NRXN1: variants seen among roughly 807,000 people sequenced by gnomAD.
NRXN1 encodes the protein neurexin-1.
A neutral mutation model predicts 150.9 loss-of-function variants in NRXN1; 39 were observed. The observed-to-expected ratio is 0.26, with a 90% confidence interval of 0.20 to 0.34. The LOEUF is 0.34. Among genes scored for constraint, NRXN1 ranks in the 10% least tolerant of loss-of-function variants. The pLI, the probability that NRXN1 is intolerant of heterozygous loss-of-function variation, is 1.00. For missense variants in NRXN1, 1,815 were observed against 1,949.9 expected (o/e 0.93, Z 1.30); for synonymous variants, 924 against 757.0 (o/e 1.22, Z -3.62).
At chr2:50,897,370 A>G (rs1682155105) in intron 5 of NRXN1, among the ~76,000 whole-genome samples, 1 of 152,210 alleles carries the variant, frequency 6.6e-6, no homozygotes, top group Admixed American at 6.5e-5. Context: ...TATCAGTGAT[A>G]CCAGGACCAT....
At chr2:50,723,891 T>C (rs1282560130) in intron 5 of NRXN1, among the ~76,000 whole-genome samples, 1 of 152,226 alleles carries the variant, frequency 6.6e-6, no homozygotes, top group African/African-American at 2.4e-5. Flanking sequence ...AAAAACATCC[T>C]AATTTATACA....
intron 17 of NRXN1, among the ~76,000 whole-genome samples, chr2:50,344,956 C>T (rs780441500): frequency 9.2e-5 from 14 of 152,216 alleles, no homozygotes; most frequent in Non-Finnish European, 1.6e-4. Flanking sequence ...CTCCGTCCCT[C>T]AGGACTCACA....
chr2:50,420,416 T>TACAC (rs142091102), intron 17 of NRXN1, among the ~76,000 whole-genome samples: 1 of 149,702 alleles, frequency 6.7e-6, no homozygotes, highest in Non-Finnish European at 1.5e-5. Flanking sequence ...CACACACACA[T>TACAC]ACACACACAC....
intron 17 of NRXN1, among the ~76,000 whole-genome samples, chr2:50,389,087 G>C (rs2081515619): frequency 6.6e-6 from 1 of 151,894 alleles, no homozygotes; most frequent in Non-Finnish European, 1.5e-5. Context: ...AAGACAGCTT[G>C]AGCCTGGGAG....
chr2:50,212,647 C>A (rs1263346054), intron 18 of NRXN1, among the ~76,000 whole-genome samples: 1 of 151,796 alleles, frequency 6.6e-6, no homozygotes, highest in African/African-American at 2.4e-5. Flanking sequence ...GTTCCTTTAT[C>A]TGAGTGAACG....
At chr2:50,160,492 G>C (rs1191206317) in intron 18 of NRXN1, among the ~76,000 whole-genome samples, 1 of 151,942 alleles carries the variant, frequency 6.6e-6, no homozygotes, top group African/African-American at 2.4e-5. Flanking sequence ...AGTGAGCTGA[G>C]ATTGCGCCAT....
In NRXN1 at chr2:50,887,421, A is replaced by T. The variant is rs180702505; in HGVS notation, c.832+34448T>A. Among the ~76,000 whole-genome samples the T allele has an allele frequency of 3.4e-3, 517 of 151,612 alleles. 9 individuals are homozygous for T. Among genetic ancestry groups the T allele is most frequent in the Middle Eastern group, 3.4e-3 (1 of 294 alleles). On this transcript the variant is annotated intron_variant, in intron 5 of 22. Coordinates refer to ENST00000401669, the MANE Select transcript of NRXN1 (RefSeq NM_001330078.2). ...TATTTGTAAACAGTTAGAATAGCAAAGATCTTCAGAAGTATTTTCCTGCTC... is the reference window on the plus strand; with the variant it reads ...TATTTGTAAACAGTTAGAATAGCAATGATCTTCAGAAGTATTTTCCTGCTC...
chr2:50,346,278 T>C lies in NRXN1; in HGVS notation c.3365-109308A>G, dbSNP rs1437245539. The stretch of plus-strand genomic sequence containing the variant: ...GATGGGCAGGAGGTGGGGCAGCATA[T>C]ACAGCACAGACAAAAGGTTCTGCAG... On this transcript the variant is annotated intron_variant, in intron 17 of 22. Coordinates refer to ENST00000401669, the MANE Select transcript of NRXN1 (RefSeq NM_001330078.2). The surrounding 1 kb of genome is among the most constrained non-coding windows in gnomAD (Gnocchi z 5.0). Among the ~76,000 whole-genome samples the C allele has an allele frequency of 6.6e-6, 1 of 152,108 alleles. No homozygotes were observed.
intron 2 of NRXN1, among the ~76,000 whole-genome samples, chr2:51,010,552 A>G (rs2105183951): frequency 6.6e-6 from 1 of 152,110 alleles, no homozygotes; most frequent in South Asian, 2.1e-4. Context: ...ATTACAGACA[A>G]CATGCAATGA....
At chr2:50,689,998 T>C (rs998451270) in intron 5 of NRXN1, among the ~76,000 whole-genome samples, 3 of 151,586 alleles carry the variant, frequency 2.0e-5, no homozygotes, top group African/African-American at 7.3e-5. Flanking sequence ...GCAATTCTCT[T>C]ACCTCAGCCC....
chr2:50,755,068 G>A (rs758265749), intron 5 of NRXN1, among the ~76,000 whole-genome samples: 7 of 151,632 alleles, frequency 4.6e-5, no homozygotes, highest in Non-Finnish European at 7.4e-5. Context: ...GAAAATTCTC[G>A]GTTTCTTCAC....
At chr2:50,798,929 T>C (rs973574918) in intron 5 of NRXN1, among the ~76,000 whole-genome samples, 1 of 152,196 alleles carries the variant, frequency 6.6e-6, no homozygotes, top group Non-Finnish European at 1.5e-5. Flanking sequence ...TGCTGAAAAG[T>C]TAGCATTTTT....
intron 5 of NRXN1, among the ~76,000 whole-genome samples, chr2:50,658,670 G>C (rs1686853773): frequency 6.6e-6 from 1 of 151,706 alleles, no homozygotes; most frequent in South Asian, 2.1e-4. Context: ...CTGCTTTTGA[G>C]ACTTTCCCGC....
At chr2:50,333,709 C>A (rs868355641) in intron 17 of NRXN1, among the ~76,000 whole-genome samples, 3 of 151,750 alleles carry the variant, frequency 2.0e-5, no homozygotes, top group Non-Finnish European at 4.4e-5. Context: ...CTCTATTAGG[C>A]CTGAGGTCTT....
intron 5 of NRXN1, among the ~76,000 whole-genome samples, chr2:50,896,065 C>G (rs1047017894): frequency 1.3e-5 from 2 of 152,022 alleles, no homozygotes; most frequent in Non-Finnish European, 2.9e-5. Flanking sequence ...TAATGTGAAC[C>G]ATTAAAATCA....
At chr2:50,456,478 C>A (rs780967704) in intron 17 of NRXN1, among the ~76,000 whole-genome samples, 2 of 152,046 alleles carry the variant, frequency 1.3e-5, no homozygotes, top group African/African-American at 2.4e-5. Context: ...GGCCATAATT[C>A]CTCCCCATAA....
intron 18 of NRXN1, among the ~76,000 whole-genome samples, chr2:50,225,572 C>T (rs915647499): frequency 1.7e-4 from 26 of 151,560 alleles, no homozygotes; most frequent in Non-Finnish European, 7.4e-5. Flanking sequence ...GAAGGTTTCA[C>T]AAATACATAA....
rs35066147 is a variant in NRXN1 at position 50,159,074 on chromosome 2, TTTG to T, written c.3547-67583_3547-67581del. 1.3e-4 allele frequency among the ~76,000 whole-genome samples: 19 copies of T among 151,834 alleles called. No individual in the cohort carries two copies. In the East Asian group the frequency reaches 2.1e-3, roughly 17 times the overall value. On this transcript the variant is annotated intron_variant, in intron 18 of 22. Coordinates refer to ENST00000401669, the MANE Select transcript of NRXN1 (RefSeq NM_001330078.2). ...TGCTGCTTCCAGGAATGAAAGTCTC[TTTG>T]TTGTTGTTGTTGTTGTTGTTGTTTT...
At chr2:50,268,801 T>C (rs1158836544) in intron 17 of NRXN1, among the ~76,000 whole-genome samples, 2 of 152,244 alleles carry the variant, frequency 1.3e-5, no homozygotes, top group East Asian at 3.8e-4. Flanking sequence ...CCAGATTCTT[T>C]ATCTAGGCCA....
Sources: gnomAD v4.1 joint callset for allele counts (sites outside exome capture counted in the v4.1 genomes callset) on GRCh38, gnomAD v4.1.1 for gene constraint, Gnocchi (gnomAD v3.1) non-coding constraint, MANE v1.5 for transcripts, NCBI Gene and HGNC (gene_info 2026-07-23, HGNC 2026-07-21) for gene names.